AGBL1: variants seen among roughly 807,000 people sequenced by gnomAD.
AGBL1 encodes the protein cytosolic carboxypeptidase 4.
AGBL1 carries 130 observed loss-of-function variants against 118.9 expected under a neutral mutation model. The observed-to-expected ratio is 1.09, with a 90% confidence interval of 0.95 to 1.26. AGBL1 has a LOEUF of 1.26. Among genes scored for constraint, AGBL1 ranks in the 50% most tolerant of loss-of-function variants. The probability of loss-of-function intolerance (pLI) is 0.00; values close to 1 mark genes in which losing one functional copy is unlikely to be tolerated. For missense variants in AGBL1, 1,584 were observed against 1,298.1 expected, an observed-to-expected ratio of 1.22 and a Z score of -3.38; for synonymous variants, 555 against 478.9, an observed-to-expected ratio of 1.16 and a Z score of -2.08.
At position 86,133,654 on chromosome 15, in the gene AGBL1, G is replaced by A. The variant is rs1020959101; in HGVS notation, c.52-8350G>A. ...TTCTATCTTTACCTTGTTCTAGACC[G>A]TGAATACCCTTTTTACCGAGGAGGA... On this transcript the variant is annotated intron_variant, in intron 1 of 22. Transcript: ENST00000614907. Among the ~76,000 whole-genome samples the A allele has an allele frequency of 3.3e-5, 5 of 152,280 alleles. 1 individual carries two copies. Among genetic ancestry groups the A allele is most frequent in the Middle Eastern group, 6.8e-3 (2 of 294 alleles).
chr15:86,284,611 T>C (rs1192933965), intron 16 of AGBL1, among the ~76,000 whole-genome samples: 4 of 152,182 alleles, frequency 2.6e-5, no homozygotes, highest in Non-Finnish European at 5.9e-5. Flanking sequence ...ATCTAGGCAG[T>C]AGACAAATAA....
At chr15:86,989,029 T>A (rs1364544677) in intron 24 of AGBL1, among the ~76,000 whole-genome samples, 1 of 147,534 alleles carries the variant, frequency 6.8e-6, no homozygotes, top group African/African-American at 2.5e-5. Flanking sequence ...AGAGTCAGAG[T>A]CTTGCTCTAT....
At chr15:86,137,647 G>T (rs537156550) in intron 1 of AGBL1, among the ~76,000 whole-genome samples, 7 of 151,920 alleles carry the variant, frequency 4.6e-5, no homozygotes, top group Non-Finnish European at 1.0e-4. Context: ...AATCTTGCAG[G>T]TATCCTCTCA....
chr15:86,106,016 G>T (rs1294856348), intron 1 of AGBL1, among the ~76,000 whole-genome samples: 1 of 152,192 alleles, frequency 6.6e-6, no homozygotes, highest in African/African-American at 2.4e-5. Flanking sequence ...GCTTCTAAAT[G>T]TTTTGCTCCC....
intron 17 of AGBL1, among the ~76,000 whole-genome samples, chr15:86,308,993 G>C (rs946340113): frequency 2.0e-5 from 3 of 152,062 alleles, no homozygotes; most frequent in Non-Finnish European, 4.4e-5. Flanking sequence ...AGATTGAATT[G>C]GGTCTGTAGA....
At chr15:86,139,356 G>A (rs377147544) in intron 1 of AGBL1, among the ~76,000 whole-genome samples, 1 of 152,164 alleles carries the variant, frequency 6.6e-6, no homozygotes. Context: ...ATCCCTTAGA[G>A]TTTTTTCATA....
chr15:86,741,414 A>AAAAAAAAAAAAAAAT (rs1452405568), intron 22 of AGBL1, among the ~76,000 whole-genome samples: 1 of 133,928 alleles, frequency 7.5e-6, no homozygotes, highest in Non-Finnish European at 1.6e-5. Context: ...AAAAAAAAAA[A>AAAAAAAAAAAAAAAT]AAAAAAAGAA....
chr15:86,447,789 C>G (rs1339486425), intron 18 of AGBL1, among the ~76,000 whole-genome samples: 1 of 152,154 alleles, frequency 6.6e-6, no homozygotes, highest in African/African-American at 2.4e-5. Context: ...TTGAGATTTT[C>G]TGAATACAAA....
chr15:86,527,533 A>C (rs1364164389), intron 19 of AGBL1, among the ~76,000 whole-genome samples: 1 of 152,144 alleles, frequency 6.6e-6, no homozygotes, highest in African/African-American at 2.4e-5. Context: ...GCTATATTTA[A>C]TGAGTCTCCT....
chr15:86,686,819 T>C (rs970371257), intron 22 of AGBL1, among the ~76,000 whole-genome samples: 3 of 152,112 alleles, frequency 2.0e-5, no homozygotes, highest in African/African-American at 7.2e-5. Context: ...ACATATCCCA[T>C]TGGACAGAGA....
intron 22 of AGBL1, among the ~76,000 whole-genome samples, chr15:86,840,594 T>C (rs1168206021): frequency 6.6e-6 from 1 of 152,012 alleles, no homozygotes; most frequent in Non-Finnish European, 1.5e-5. Context: ...TACAGGCGTG[T>C]ACTACCATGC....
intron 17 of AGBL1, among the ~76,000 whole-genome samples, chr15:86,315,600 C>T (rs1410147900): frequency 6.6e-6 from 1 of 151,670 alleles, no homozygotes; most frequent in Non-Finnish European, 1.5e-5. Context: ...CGCCTGTAGT[C>T]CCAGCTACTT....
intron 20 of AGBL1, among the ~76,000 whole-genome samples, chr15:86,553,244 C>T (rs1307669265): frequency 6.6e-6 from 1 of 152,134 alleles, no homozygotes; most frequent in East Asian, 1.9e-4. Context: ...CATAAAAGTT[C>T]TGGGACTAAT....
chr15:86,867,541 G>A (rs1346684667), intron 22 of AGBL1, among the ~76,000 whole-genome samples: 1 of 152,070 alleles, frequency 6.6e-6, no homozygotes, highest in Non-Finnish European at 1.5e-5. Context: ...TTCAGTAATG[G>A]GCTTTGATGC....
chr15:86,525,338 A>G (rs918517911), intron 19 of AGBL1, among the ~76,000 whole-genome samples: 1 of 152,210 alleles, frequency 6.6e-6, no homozygotes, highest in African/African-American at 2.4e-5. Flanking sequence ...TGATCTACAG[A>G]TTTAATGCAA....
In AGBL1 at chr15:86,713,786, A is replaced by AT. The variant is rs140305239; in HGVS notation, c.3158+39360dup. On this transcript the variant is annotated intron_variant, in intron 22 of 22. Coordinates refer to ENST00000614907, the MANE Select transcript of AGBL1 (RefSeq NM_001386094.1). ...CTAAAGTGAACAGGCTAGAGAGTGT[A>AT]TTTTTTTTTTCCCATGAATCTACTA... 0.015 allele frequency among the ~76,000 whole-genome samples: 2,319 copies of AT among 150,420 alleles called. 111 individuals carry two copies. In the East Asian group the frequency reaches 0.18, roughly 12 times the overall value.
intron 18 of AGBL1, among the ~76,000 whole-genome samples, chr15:86,416,121 C>T (rs1006891974): frequency 3.9e-5 from 6 of 152,068 alleles, no homozygotes; most frequent in Non-Finnish European, 5.9e-5. Context: ...TCATGTATTT[C>T]ATAAACAAAC....
At chr15:86,086,047 G>T (rs1475247581) in intron 1 of AGBL1, among the ~76,000 whole-genome samples, 1 of 152,234 alleles carries the variant, frequency 6.6e-6, no homozygotes, top group African/African-American at 2.4e-5. Context: ...ATGCAGTGAT[G>T]CAATGAGGTG....
At chr15:86,572,279 G>A (rs766447040) in intron 21 of AGBL1, among the ~76,000 whole-genome samples, 1 of 152,140 alleles carries the variant, frequency 6.6e-6, no homozygotes, top group Non-Finnish European at 1.5e-5. Context: ...TGGAGCTCCC[G>A]CTCTGCCAAA....
Sources: allele counts gnomAD v4.1 joint callset (sites outside exome capture counted in the v4.1 genomes callset), GRCh38; gene constraint gnomAD v4.1.1; transcripts MANE v1.5; gene names NCBI Gene and HGNC (gene_info 2026-07-23, HGNC 2026-07-21).